CAMSAP2: variants seen among roughly 807,000 people sequenced by gnomAD.
CAMSAP2 encodes the protein calmodulin regulated spectrin associated protein family member 2.
Under a neutral mutation model 146.1 loss-of-function variants are expected in CAMSAP2, and 26 were observed. The observed-to-expected ratio is 0.18, with a 90% confidence interval of 0.13 to 0.25. CAMSAP2 has a LOEUF of 0.25. CAMSAP2 is among the 10% of genes least tolerant of loss of function. The pLI, the probability that CAMSAP2 is intolerant of heterozygous loss-of-function variation, is 1.00. For missense variants in CAMSAP2, 1,381 were observed against 1,759.3 expected, an observed-to-expected ratio of 0.78 and a Z score of 3.85; for synonymous variants, 499 against 596.6, an observed-to-expected ratio of 0.84 and a Z score of 2.38.
chr1:200,758,458 C>CT (rs962592746), intron 1 of CAMSAP2, among the ~76,000 whole-genome samples: 5 of 152,214 alleles, frequency 3.3e-5, no homozygotes, highest in African/African-American at 4.8e-5. Context: ...AACTGAACTT[C>CT]ACCATCACGC....
chr1:200,821,055 C>T (rs2102190755), intron 4 of CAMSAP2, among the ~76,000 whole-genome samples: 1 of 152,090 alleles, frequency 6.6e-6, no homozygotes, highest in African/African-American at 2.4e-5. Flanking sequence ...TTCTTTTATA[C>T]CATTATTTTA....
chr1:200,769,654 T>G (rs1276346719), intron 2 of CAMSAP2, among the ~76,000 whole-genome samples: 3 of 152,134 alleles, frequency 2.0e-5, no homozygotes, highest in East Asian at 3.8e-4. Flanking sequence ...TTACTTACAT[T>G]TACTGGTTTA....
At chr1:200,813,305 A>G (rs913517529) in intron 3 of CAMSAP2, among the ~76,000 whole-genome samples, 6 of 152,254 alleles carry the variant, frequency 3.9e-5, no homozygotes, top group Non-Finnish European at 7.3e-5. Context: ...GAAAGGCTAC[A>G]CCTCTTAATA....
chr1:200,809,999 C>T (rs1666286417), intron 3 of CAMSAP2, among the ~76,000 whole-genome samples: 1 of 152,198 alleles, frequency 6.6e-6, no homozygotes, highest in African/African-American at 2.4e-5. Flanking sequence ...TGAATTGGGT[C>T]TGCTCTCATA....
At chr1:200,817,233 T>A (rs1390376214) in intron 4 of CAMSAP2, among the ~76,000 whole-genome samples, 3,595 of 46,470 alleles carry the variant, frequency 0.077, 197 homozygotes, top group African/African-American at 0.2. Flanking sequence ...TGTGTGTATA[T>A]ACACACATAC....
rs941928701 is a variant in CAMSAP2, at chr1:200,858,881, CTT to C, written c.*825_*826del. 17 of 152,526 alleles carry C rather than the reference CTT, an allele frequency of 1.1e-4. No individual in the cohort carries two copies. The highest frequency in any genetic ancestry group is 3.9e-4 in the African/African-American group (16 of 41,546). The allele number at this position is 152,526 out of a possible 1,614,324, so 9.4% of individuals were successfully genotyped here. A position where few individuals can be genotyped will look rare whatever the true frequency, so the allele number is the denominator to read the frequency against. On this transcript the variant is annotated 3_prime_UTR_variant, in exon 17 of 17. Transcript: ENST00000358823. The stretch of plus-strand genomic sequence containing the variant: ...TTTTAACAAAAAAGGCTTTCTATCT[CTT>C]TTAAAGTAAGTCACTTTATAAGTTG...
chr1:200,859,109 T>G lies in CAMSAP2; in HGVS notation c.*1050T>G, dbSNP rs76833420. ...TTACTTATATTGGGTTTTTCTTCAT[T>G]TTAATCCTTTTCAAGTGGAATGGCT... On this transcript the variant is annotated 3_prime_UTR_variant, in exon 17 of 17. Coordinates refer to ENST00000358823, the MANE Select transcript of CAMSAP2 (RefSeq NM_203459.4). 1 of 152,744 alleles carries G rather than the reference T, an allele frequency of 6.5e-6. No individual in the cohort carries two copies. Among genetic ancestry groups the G allele is most frequent in the Non-Finnish European group, 1.5e-5 (1 of 67,900 alleles). 9.5% of individuals were successfully genotyped at this position (152,744 alleles called of 1,614,324 possible). A position where few individuals can be genotyped will look rare whatever the true frequency, so the allele number is the denominator to read the frequency against.
Position 200,739,041 on chromosome 1 carries a change from C to CT in CAMSAP2, c.-785dup, listed in dbSNP as rs1472985264. 1.3e-5 allele frequency among the ~76,000 whole-genome samples: 2 copies of CT among 151,886 alleles called. No homozygotes were observed. The highest frequency in any genetic ancestry group is 2.9e-5 in the Non-Finnish European group (2 of 67,966). On this transcript the variant is annotated 5_prime_UTR_variant, in exon 1 of 17. Transcript: ENST00000358823. The surrounding 1 kb of genome is among the most constrained non-coding windows in gnomAD (Gnocchi z 4.8). Reference sequence around the variant, plus strand: ...TTACTGATAAGACAGGAACTGAGAGCTTGGGATTCGCGGCCTCTCCCCGGC... The same window carrying CT: ...TTACTGATAAGACAGGAACTGAGAGCTTTGGGATTCGCGGCCTCTCCCCGGC...
At chr1:200,850,661 G>A (rs537978887) in intron 11 of CAMSAP2, among the ~76,000 whole-genome samples, 3 of 152,146 alleles carry the variant, frequency 2.0e-5, no homozygotes, top group Admixed American at 2.0e-4. Flanking sequence ...GAAACAAAGG[G>A]GAAGAAAATC....
chr1:200,843,425 A>G (rs1286281730), intron 7 of CAMSAP2, among the ~76,000 whole-genome samples: 2 of 152,212 alleles, frequency 1.3e-5, no homozygotes, highest in Non-Finnish European at 2.9e-5. Context: ...GAGTCACTAT[A>G]TAACATTATA....
At chr1:200,834,897 C>T (rs1235216055) in intron 6 of CAMSAP2, among the ~76,000 whole-genome samples, 2 of 152,140 alleles carry the variant, frequency 1.3e-5, no homozygotes, top group African/African-American at 4.8e-5. Context: ...TAGTGACAAA[C>T]CAAGACCCTG....
At chr1:200,783,312 C>A (rs942717479) in intron 2 of CAMSAP2, among the ~76,000 whole-genome samples, 1 of 152,116 alleles carries the variant, frequency 6.6e-6, no homozygotes, top group African/African-American at 2.4e-5. Flanking sequence ...TTTTTGTATG[C>A]TTACTGGTCA....
chr1:200,849,126 C>T lies in CAMSAP2; in HGVS notation c.2357C>T (p.Ala786Val). Residue 786 changes from alanine to valine, a missense_variant, in exon 11 of 17, where the codon GCA becomes GTA. Physicochemically the swap from Ala to Val is moderately conservative, Grantham distance 64. Transcript: ENST00000358823. The surrounding 1 kb of genome is among the most constrained non-coding windows in gnomAD (Gnocchi z 6.3). Reference protein sequence around the residue: ...TKQRQKMGRTAFLTVVKKKGD... With the variant: ...TKQRQKMGRTVFLTVVKKKGD... ...CAGAGACAGAAAATGGGAAGGACAG[C>T]ATTCCTTACTGTAGTGAAAAAGAAA... 6.2e-7 allele frequency: 1 copy of T among 1,614,120 alleles called. No individual in the cohort carries two copies. The highest frequency in any genetic ancestry group is 1.1e-5 in the South Asian group (1 of 91,078).
chr1:200,746,406 A>G (rs183920003), intron 1 of CAMSAP2, among the ~76,000 whole-genome samples: 2 of 152,256 alleles, frequency 1.3e-5, no homozygotes, highest in South Asian at 2.1e-4. Context: ...GATTGATTCT[A>G]TTTTGTGAGA....
chr1:200,824,103 C>T (rs1258855912), intron 4 of CAMSAP2, among the ~76,000 whole-genome samples: 4 of 152,092 alleles, frequency 2.6e-5, no homozygotes, highest in African/African-American at 9.7e-5. Flanking sequence ...ATGCTCCAGG[C>T]TCATCTTGTT....
chr1:200,844,419 G>A (rs1024823118), intron 7 of CAMSAP2, among the ~76,000 whole-genome samples: 5 of 151,838 alleles, frequency 3.3e-5, no homozygotes, highest in African/African-American at 4.8e-5. Context: ...GTGGTGGCGG[G>A]TGCCTGTAGT....
chr1:200,843,797 C>G (rs1038102325), intron 7 of CAMSAP2, among the ~76,000 whole-genome samples: 3 of 151,824 alleles, frequency 2.0e-5, no homozygotes, highest in Non-Finnish European at 4.4e-5. Flanking sequence ...ATCTGAAGTT[C>G]TATGAAAGCT....
chr1:200,769,546 G>A (rs757972996), intron 2 of CAMSAP2, among the ~76,000 whole-genome samples: 3 of 152,032 alleles, frequency 2.0e-5, no homozygotes, highest in Non-Finnish European at 4.4e-5. Context: ...CCAGGCCTCC[G>A]GTACTTCTCA....
At chr1:200,814,609 C>CAAAAAAA (rs1204730822) in intron 3 of CAMSAP2, among the ~76,000 whole-genome samples, 6 of 24,090 alleles carry the variant, frequency 2.5e-4, no homozygotes, top group East Asian at 2.6e-3. Flanking sequence ...GATTGCATCC[C>CAAAAAAA]AAAAAAAAAA....
Sources: allele counts gnomAD v4.1 joint callset (sites outside exome capture counted in the v4.1 genomes callset), GRCh38; gene constraint gnomAD v4.1.1; non-coding constraint Gnocchi (gnomAD v3.1); transcripts MANE v1.5; gene names NCBI Gene and HGNC (gene_info 2026-07-23, HGNC 2026-07-21).